Variants in ACYP2 observed in about 807,000 individuals in gnomAD.
ACYP2 encodes acylphosphatase-2.
In ACYP2, 12 loss-of-function variants were observed where a neutral mutation model predicts 11.2. The ratio of observed to expected loss-of-function variants is 1.08; its 90% CI spans 0.69 to 1.74. ACYP2 has a LOEUF of 1.74. Ranked by LOEUF, ACYP2 falls within the 40% of genes most tolerant of loss-of-function variation. The pLI is 0.00. For synonymous variants in ACYP2, 43 were observed against 32.2 expected, an observed-to-expected ratio of 1.33 and a Z score of -1.13; for missense variants, 134 against 101.9, an observed-to-expected ratio of 1.31 and a Z score of -1.35.
chr2:54,101,929 C>T (rs567677925), intron 4 of ACYP2, among the ~76,000 whole-genome samples: 1 of 152,264 alleles, frequency 6.6e-6, no homozygotes, highest in African/African-American at 2.4e-5. Context: ...GATATTGACA[C>T]TTTATTAACT....
At chr2:54,298,538 G>T (rs971935034) in intron 6 of ACYP2, among the ~76,000 whole-genome samples, 15 of 152,194 alleles carry the variant, frequency 9.9e-5, no homozygotes, top group African/African-American at 3.4e-4. Context: ...CAGATGAGCG[G>T]GTGGTAATGC....
At chr2:54,061,813 G>A (rs929227600) in intron 4 of ACYP2, among the ~76,000 whole-genome samples, 1 of 152,012 alleles carries the variant, frequency 6.6e-6, no homozygotes, top group African/African-American at 2.4e-5. Context: ...GTGGCTCAAG[G>A]CTGTAGTCCC....
chr2:54,289,646 A>G (rs1689219351), intron 6 of ACYP2, among the ~76,000 whole-genome samples: 1 of 152,006 alleles, frequency 6.6e-6, no homozygotes, highest in Non-Finnish European at 1.5e-5. Context: ...GCCGAAAAAT[A>G]TTGAAATTAT....
chr2:54,219,805 GTGTGTT>G (rs1205713747), intron 6 of ACYP2, among the ~76,000 whole-genome samples: 1 of 147,368 alleles, frequency 6.8e-6, no homozygotes, highest in Non-Finnish European at 1.5e-5. Flanking sequence ...GTGTGTGTGT[GTGTGTT>G]TGTGTATGTG....
chr2:54,282,854 G>T (rs1048301086), intron 6 of ACYP2, among the ~76,000 whole-genome samples: 2 of 152,152 alleles, frequency 1.3e-5, no homozygotes, highest in Admixed American at 6.5e-5. Flanking sequence ...CACAGGAAAG[G>T]TGTGAAAGAA....
intron 6 of ACYP2, among the ~76,000 whole-genome samples, chr2:54,298,725 G>A (rs998325178): frequency 7.9e-5 from 12 of 152,208 alleles, no homozygotes; most frequent in African/African-American, 2.9e-4. Flanking sequence ...CAGGAGAGCA[G>A]CTGCCCTGTC....
chr2:54,046,546 G>A (rs1675535707), intron 2 of ACYP2, among the ~76,000 whole-genome samples: 1 of 150,596 alleles, frequency 6.6e-6, no homozygotes, highest in African/African-American at 2.4e-5. Flanking sequence ...GGCTGAATCT[G>A]TATCTCTCAT....
At chr2:54,146,419 C>T (rs923171296) in intron 6 of ACYP2, among the ~76,000 whole-genome samples, 1 of 150,720 alleles carries the variant, frequency 6.6e-6, no homozygotes, top group Non-Finnish European at 1.5e-5. Flanking sequence ...TTTAGAACTT[C>T]TGTATGGACC....
intron 6 of ACYP2, among the ~76,000 whole-genome samples, chr2:54,170,397 C>A (rs987505741): frequency 6.6e-6 from 1 of 152,150 alleles, no homozygotes; most frequent in Non-Finnish European, 1.5e-5. Flanking sequence ...AAGCAGTCTG[C>A]CTGCCTCCGC....
chr2:54,298,606 G>C (rs1378588677), intron 6 of ACYP2, among the ~76,000 whole-genome samples: 1 of 152,200 alleles, frequency 6.6e-6, no homozygotes, highest in Non-Finnish European at 1.5e-5. Flanking sequence ...AGTTAACACA[G>C]TGGAAATCCC....
intron 6 of ACYP2, among the ~76,000 whole-genome samples, chr2:54,165,301 T>A (rs1414332183): frequency 2.6e-5 from 4 of 152,164 alleles, no homozygotes; most frequent in South Asian, 4.1e-4. Flanking sequence ...CCTTTTAGGG[T>A]CCTCTGCCTT....
intron 6 of ACYP2, among the ~76,000 whole-genome samples, chr2:54,155,151 T>G (rs563738666): frequency 8.7e-4 from 132 of 152,310 alleles, no homozygotes; most frequent in African/African-American, 3.0e-3. Context: ...TCCTCTTTTA[T>G]TTCTCATTTT....
chr2:54,121,517 T>C (rs969585739), intron 4 of ACYP2, among the ~76,000 whole-genome samples: 1 of 152,230 alleles, frequency 6.6e-6, no homozygotes, highest in Non-Finnish European at 1.5e-5. Context: ...TTCTTAAATA[T>C]TGCTTAAAAT....
intron 4 of ACYP2, among the ~76,000 whole-genome samples, chr2:54,058,911 A>G (rs1050029878): frequency 2.0e-5 from 3 of 152,234 alleles, no homozygotes; most frequent in East Asian, 3.9e-4. Flanking sequence ...GATGGGGGTT[A>G]TCTCAAGGCT....
intron 2 of ACYP2, among the ~76,000 whole-genome samples, chr2:54,012,030 G>A (rs1412520293): frequency 5.9e-5 from 9 of 152,116 alleles, no homozygotes; most frequent in African/African-American, 1.9e-4. Context: ...GAGGTCAGGA[G>A]TTTGAGACCA....
At chr2:54,029,571 T>G (rs1386436590) in intron 2 of ACYP2, 1 of 398,860 alleles carries the variant, frequency 2.5e-6, no homozygotes, top group Non-Finnish European at 4.8e-6. Flanking sequence ...TGGAGCTGAC[T>G]GGTGCTTCAG....
intron 6 of ACYP2, among the ~76,000 whole-genome samples, chr2:54,149,527 G>C (rs1347132650): frequency 6.6e-6 from 1 of 151,906 alleles, no homozygotes; most frequent in African/African-American, 2.4e-5. Context: ...GCAAAATTAA[G>C]AATATTTTCT....
At chr2:54,070,764 C>A (rs1676994459) in intron 4 of ACYP2, among the ~76,000 whole-genome samples, 1 of 142,746 alleles carries the variant, frequency 7.0e-6, no homozygotes, top group African/African-American at 2.7e-5. Context: ...GGGGCAGGGT[C>A]TCAGCTCTGT....
chr2:54,144,403 C>T (rs79214097), intron 6 of ACYP2, among the ~76,000 whole-genome samples: 4,620 of 152,080 alleles, frequency 0.03, 257 homozygotes, highest in African/African-American at 0.11. Flanking sequence ...TCGGCCGGTG[C>T]GGTGGCTCAC....
Sources: allele counts gnomAD v4.1 joint callset (sites outside exome capture counted in the v4.1 genomes callset), GRCh38; gene constraint gnomAD v4.1.1; transcripts MANE v1.5; gene names NCBI Gene and HGNC (gene_info 2026-07-23, HGNC 2026-07-21).